The following GALNTL6 variants were observed in gnomAD, a reference collection of about 807,000 sequenced individuals.
GALNTL6 encodes polypeptide N-acetylgalactosaminyltransferase like 6.
Under a neutral mutation model 73.7 loss-of-function variants are expected in GALNTL6, and 46 were observed. The ratio of observed to expected loss-of-function variants is 0.62; its 90% CI spans 0.49 to 0.80. The LOEUF (loss-of-function observed/expected upper bound fraction) is 0.80. Among genes scored for constraint, GALNTL6 ranks in the 30% least tolerant of loss-of-function variants. The pLI is 0.00. For synonymous variants in GALNTL6, 259 were observed against 263.7 expected (o/e 0.98, Z 0.17); for missense variants, 604 against 755.0 (o/e 0.80, Z 2.34).
intron 5 of GALNTL6, among the ~76,000 whole-genome samples, chr4:172,798,037 A>T (rs1290155449): frequency 6.6e-6 from 1 of 152,156 alleles, no homozygotes; most frequent in Non-Finnish European, 1.5e-5. Context: ...TGATTTATAC[A>T]TGCAGCATTG....
At chr4:172,588,498 G>A (rs1362055637) in intron 5 of GALNTL6, among the ~76,000 whole-genome samples, 1 of 150,564 alleles carries the variant, frequency 6.6e-6, no homozygotes, top group Non-Finnish European at 1.5e-5. Context: ...GGAGTCTAAG[G>A]TGCAGGAATC....
chr4:172,715,439 G>A (rs992188036), intron 5 of GALNTL6, among the ~76,000 whole-genome samples: 4 of 152,198 alleles, frequency 2.6e-5, no homozygotes, highest in African/African-American at 9.7e-5. Flanking sequence ...AGCAGGCAGA[G>A]ATACTAAACT....
intron 5 of GALNTL6, among the ~76,000 whole-genome samples, chr4:172,596,426 C>G (rs1259659466): frequency 7.7e-6 from 1 of 130,192 alleles, no homozygotes; most frequent in Non-Finnish European, 1.6e-5. Context: ...GCCTGGGCAA[C>G]AGAGGGAGAC....
chr4:172,151,871 A>T (rs1303938915), intron 2 of GALNTL6, among the ~76,000 whole-genome samples: 1 of 150,840 alleles, frequency 6.6e-6, no homozygotes, highest in Non-Finnish European at 1.5e-5. Context: ...TTTTCCATAT[A>T]TATATATTTT....
intron 2 of GALNTL6, among the ~76,000 whole-genome samples, chr4:172,222,434 A>G (rs6853909): frequency 0.011 from 1,610 of 152,128 alleles, 28 homozygotes; most frequent in African/African-American, 0.037. Context: ...AGTGAACTTT[A>G]CTATATGATA....
chr4:172,349,174 C>T (rs1019114629), intron 5 of GALNTL6, among the ~76,000 whole-genome samples: 3 of 152,040 alleles, frequency 2.0e-5, no homozygotes, highest in Non-Finnish European at 1.5e-5. Flanking sequence ...GTAATTCTAG[C>T]TATTTTATCT....
chr4:171,982,115 G>A (rs1046877824), intron 2 of GALNTL6, among the ~76,000 whole-genome samples: 7 of 151,988 alleles, frequency 4.6e-5, no homozygotes, highest in African/African-American at 7.2e-5. Context: ...AAGTATACAT[G>A]TTCTCATTTT....
intron 12 of GALNTL6, among the ~76,000 whole-genome samples, chr4:173,034,257 A>G (rs1285034635): frequency 1.3e-5 from 2 of 152,098 alleles, no homozygotes; most frequent in Non-Finnish European, 2.9e-5. Flanking sequence ...CTGTAGTCCA[A>G]TGCCTTTCCA....
intron 3 of GALNTL6, among the ~76,000 whole-genome samples, chr4:172,297,729 G>A (rs1409008337): frequency 2.0e-5 from 3 of 152,170 alleles, no homozygotes; most frequent in African/African-American, 7.2e-5. Flanking sequence ...TTTGGTACCA[G>A]TACCATGATG....
chr4:172,560,486 CA>C (rs199706695), intron 5 of GALNTL6, among the ~76,000 whole-genome samples: 10 of 145,286 alleles, frequency 6.9e-5, no homozygotes, highest in Non-Finnish European at 3.0e-5. Context: ...GAGACTGTCT[CA>C]AAAAAAAAAG....
At chr4:172,792,082 A>G (rs1470542706) in intron 5 of GALNTL6, among the ~76,000 whole-genome samples, 1 of 152,226 alleles carries the variant, frequency 6.6e-6, no homozygotes, top group African/African-American at 2.4e-5. Context: ...ATAACTTGAT[A>G]ATATCAGAAC....
chr4:172,974,109 T>A (rs995366947), intron 10 of GALNTL6, among the ~76,000 whole-genome samples: 1 of 152,258 alleles, frequency 6.6e-6, no homozygotes, highest in African/African-American at 2.4e-5. Flanking sequence ...ATTTTTATTG[T>A]ACTTATGCCC....
intron 4 of GALNTL6, among the ~76,000 whole-genome samples, chr4:172,332,943 C>G (rs1410081066): frequency 6.6e-6 from 1 of 152,174 alleles, no homozygotes; most frequent in Non-Finnish European, 1.5e-5. Context: ...GTTGGCTTTT[C>G]TCTACATGCT....
chr4:172,420,668 A>G (rs1246610251), intron 5 of GALNTL6, among the ~76,000 whole-genome samples: 1 of 152,134 alleles, frequency 6.6e-6, no homozygotes, highest in East Asian at 1.9e-4. Flanking sequence ...TCTAAACTTT[A>G]TATAATATTT....
At chr4:172,669,768 G>A (rs942749635) in intron 5 of GALNTL6, among the ~76,000 whole-genome samples, 6 of 151,762 alleles carry the variant, frequency 4.0e-5, no homozygotes, top group Admixed American at 3.9e-4. Flanking sequence ...CATCACTCAG[G>A]TATGAAGCCT....
At chr4:172,020,260 A>G (rs111746183) in intron 2 of GALNTL6, among the ~76,000 whole-genome samples, 2 of 152,148 alleles carry the variant, frequency 1.3e-5, no homozygotes, top group African/African-American at 4.8e-5. Flanking sequence ...AAGAACTAGA[A>G]AGGCAAAAGC....
chr4:173,037,884 A>G (rs565673638), intron 12 of GALNTL6, among the ~76,000 whole-genome samples: 1 of 152,146 alleles, frequency 6.6e-6, no homozygotes, highest in South Asian at 2.1e-4. Flanking sequence ...CTGGATTTAC[A>G]GATGTGCACC....
chr4:172,859,053 A>T (rs1235615817), intron 7 of GALNTL6, among the ~76,000 whole-genome samples: 1 of 151,792 alleles, frequency 6.6e-6, no homozygotes, highest in East Asian at 1.9e-4. Flanking sequence ...CAGGAAAAAA[A>T]AAAAAACAAT....
At chr4:171,986,172 C>A (rs1047815019) in intron 2 of GALNTL6, among the ~76,000 whole-genome samples, 3 of 151,980 alleles carry the variant, frequency 2.0e-5, no homozygotes, top group South Asian at 2.1e-4. Context: ...GTTTATTTCA[C>A]CTGGGTGCAG....
Sources: allele counts gnomAD v4.1 joint callset (sites outside exome capture counted in the v4.1 genomes callset), GRCh38; gene constraint gnomAD v4.1.1; transcripts MANE v1.5; gene names NCBI Gene and HGNC (gene_info 2026-07-23, HGNC 2026-07-21).